Variants in PDE1A observed in about 807,000 individuals in gnomAD.
PDE1A encodes dual specificity calcium/calmodulin-dependent 3',5'-cyclic nucleotide phosphodiesterase 1A.
A neutral mutation model predicts 61.7 loss-of-function variants in PDE1A; 35 were observed. The observed-to-expected ratio is 0.57, with a 90% confidence interval of 0.43 to 0.75. The LOEUF is 0.75. Ranked by LOEUF, PDE1A falls within the 30% of genes least tolerant of loss-of-function variation. PDE1A has a pLI of 0.00. For missense variants in PDE1A, 597 were observed against 630.6 expected, an observed-to-expected ratio of 0.95 and a Z score of 0.57; for synonymous variants, 232 against 213.2, an observed-to-expected ratio of 1.09 and a Z score of -0.77.
chr2:182,194,382 A>G (rs1685960890), intron 10 of PDE1A, among the ~76,000 whole-genome samples: 1 of 152,138 alleles, frequency 6.6e-6, no homozygotes, highest in African/African-American at 2.4e-5. Context: ...TTTTTGGCTG[A>G]TATTGATCTC....
chr2:182,634,411 T>C, the PDE1A span, among the ~76,000 whole-genome samples: 2 of 152,166 alleles, frequency 1.3e-5, no homozygotes, highest in Non-Finnish European at 2.9e-5. Flanking sequence ...TCCAAATGTT[T>C]ATAATACTAA....
At chr2:182,405,689 C>A (rs1022376976) in intron 1 of PDE1A, among the ~76,000 whole-genome samples, 1 of 152,080 alleles carries the variant, frequency 6.6e-6, no homozygotes, top group Non-Finnish European at 1.5e-5. Flanking sequence ...AAAAGGAATA[C>A]ATTTTTTAAG....
the PDE1A span, among the ~76,000 whole-genome samples, chr2:182,635,233 T>C: frequency 6.6e-6 from 1 of 152,018 alleles, no homozygotes; most frequent in South Asian, 2.1e-4. Flanking sequence ...AATGTAATAA[T>C]AGATAATTCA....
chr2:182,544,542 T>G, the PDE1A span, among the ~76,000 whole-genome samples: 3 of 152,176 alleles, frequency 2.0e-5, no homozygotes, highest in African/African-American at 7.2e-5. Context: ...TGGCACCTGC[T>G]CTGGTGACAA....
chr2:182,220,834 T>C (rs1289391568), intron 7 of PDE1A, among the ~76,000 whole-genome samples: 2 of 152,070 alleles, frequency 1.3e-5, no homozygotes, highest in South Asian at 2.1e-4. Context: ...GAATTAGTGA[T>C]ATAAATGACA....
At chr2:182,144,624 G>A (rs1348336292), downstream of PDE1A, among the ~76,000 whole-genome samples, 1 of 152,132 alleles carries the variant, frequency 6.6e-6, no homozygotes, top group Non-Finnish European at 1.5e-5. Flanking sequence ...GAACAAAGCA[G>A]GTAATGGCTT....
At chr2:182,669,586 T>C in the PDE1A span, among the ~76,000 whole-genome samples, 4 of 152,220 alleles carry the variant, frequency 2.6e-5, no homozygotes, top group African/African-American at 9.6e-5. Context: ...TGTTATTTCT[T>C]TCCCATCTTC....
the PDE1A span, among the ~76,000 whole-genome samples, chr2:182,601,019 G>A: frequency 1.3e-5 from 2 of 152,230 alleles, no homozygotes; most frequent in Non-Finnish European, 2.9e-5. Context: ...GTTGTTACAG[G>A]ATCTTTGGGG....
chr2:182,463,359 C>T (rs1686436770), intron 2 of PDE1A, among the ~76,000 whole-genome samples: 1 of 152,040 alleles, frequency 6.6e-6, no homozygotes, highest in African/African-American at 2.4e-5. Flanking sequence ...CAAAGTTAGA[C>T]TCTCACCCCC....
intron 2 of PDE1A, among the ~76,000 whole-genome samples, chr2:182,504,122 A>AT (rs1303980681): frequency 6.6e-6 from 1 of 152,366 alleles, no homozygotes; most frequent in African/African-American, 2.4e-5. Flanking sequence ...CTCACGCTGT[A>AT]TACATTAGTG....
At chr2:182,177,208 G>A (rs1684317220) in intron 13 of PDE1A, among the ~76,000 whole-genome samples, 1 of 152,208 alleles carries the variant, frequency 6.6e-6, no homozygotes, top group East Asian at 1.9e-4. Flanking sequence ...CATAAAATGA[G>A]TTATGGAGGA....
chr2:182,539,136 A>T, the PDE1A span, among the ~76,000 whole-genome samples: 8 of 152,162 alleles, frequency 5.3e-5, no homozygotes. Context: ...TTCCTTCAAC[A>T]TACAAAATTC....
At chr2:182,573,813 G>A in the PDE1A span, among the ~76,000 whole-genome samples, 18 of 145,684 alleles carry the variant, frequency 1.2e-4, no homozygotes, top group South Asian at 2.1e-4. Context: ...AATATCAATC[G>A]GGGTTCTCTA....
the PDE1A span, among the ~76,000 whole-genome samples, chr2:182,560,572 T>C: frequency 6.6e-6 from 1 of 152,100 alleles, no homozygotes; most frequent in Middle Eastern, 3.4e-3. Context: ...CCTTTGGGTA[T>C]ATACCCAGTA....
chr2:182,566,902 CTAGATT>C, the PDE1A span, among the ~76,000 whole-genome samples: 2 of 152,044 alleles, frequency 1.3e-5, no homozygotes, highest in Non-Finnish European at 2.9e-5. Flanking sequence ...CTGTGAATAC[CTAGATT>C]TAGTTTACTG....
intron 6 of PDE1A, 85 bp from the exon 7 acceptor site, chr2:182,224,049 G>T: frequency 2.6e-6 from 2 of 781,044 alleles, no homozygotes; most frequent in Non-Finnish European, 4.2e-6. Context: ...AGTGCACCCT[G>T]TTTATGTAAT....
intron 1 of PDE1A, among the ~76,000 whole-genome samples, chr2:182,278,054 C>A (rs1574232270): frequency 6.7e-6 from 1 of 148,776 alleles, no homozygotes; most frequent in East Asian, 1.9e-4. Context: ...ATCCTGATGA[C>A]TTCTTCTTGG....
chr2:182,570,140 C>G, the PDE1A span, among the ~76,000 whole-genome samples: 50 of 151,680 alleles, frequency 3.3e-4, no homozygotes, highest in Non-Finnish European at 5.9e-4. Flanking sequence ...AGGTGGTTTA[C>G]GTAAAACATT....
chr2:182,685,817 C>T, the PDE1A span, among the ~76,000 whole-genome samples: 1 of 152,170 alleles, frequency 6.6e-6, no homozygotes, highest in African/African-American at 2.4e-5. Flanking sequence ...TCTTATGTGT[C>T]CAATATTTTC....
Sources: allele counts gnomAD v4.1 joint callset (sites outside exome capture counted in the v4.1 genomes callset), GRCh38; gene constraint gnomAD v4.1.1; transcripts MANE v1.5; gene names NCBI Gene and HGNC (gene_info 2026-07-23, HGNC 2026-07-21).